Variants in TBC1D5 observed in about 807,000 individuals in gnomAD.
The protein encoded by TBC1D5 is TBC1 domain family member 5.
Under a neutral mutation model 100.3 loss-of-function variants are expected in TBC1D5, and 75 were observed. The observed-to-expected ratio is 0.75, with a 90% CI of 0.62 to 0.91. The LOEUF (loss-of-function observed/expected upper bound fraction) is 0.91. Among genes scored for constraint, TBC1D5 ranks in the 40% least tolerant of loss-of-function variants. The pLI is 0.00. For synonymous variants in TBC1D5, 323 were observed against 325.6 expected, an observed-to-expected ratio of 0.99 and a Z score of 0.09; for missense variants, 910 against 942.4, an observed-to-expected ratio of 0.97 and a Z score of 0.45.
At position 17,679,858 on chromosome 3, in the gene TBC1D5, T is replaced by C. The variant is rs142544722; in HGVS notation, c.-100-55945A>G. ...GTTTTGTGGTACTTGGGACAATCTG[T>C]AGTCTGAGACTAGCTGACCCTTGCA... On this transcript the variant is annotated intron_variant, in intron 1 of 21. Transcript: ENST00000253692. Among the ~76,000 whole-genome samples the C allele has an allele frequency of 5.3e-5, 8 of 151,644 alleles. No homozygotes were observed. In the South Asian group the frequency reaches 1.5e-3, roughly 28 times the overall value.
intron 21 of TBC1D5, among the ~76,000 whole-genome samples, chr3:17,162,876 T>G (rs2066208767): frequency 6.6e-6 from 1 of 152,216 alleles, no homozygotes; most frequent in African/African-American, 2.4e-5. Context: ...GTAGACACTT[T>G]GTTCATAGGA....
intron 1 of TBC1D5, among the ~76,000 whole-genome samples, chr3:17,677,234 A>T (rs2068761303): frequency 6.6e-6 from 1 of 152,196 alleles, no homozygotes; most frequent in South Asian, 2.1e-4. Flanking sequence ...AATGGGAAAA[A>T]ATTTTTGCAA....
chr3:17,655,339 G>A (rs1472454514), intron 1 of TBC1D5, among the ~76,000 whole-genome samples: 1 of 151,116 alleles, frequency 6.6e-6, no homozygotes, highest in Non-Finnish European at 1.5e-5. Flanking sequence ...ATAGCTTTAG[G>A]AGATATACCT....
intron 4 of TBC1D5, among the ~76,000 whole-genome samples, chr3:17,421,333 T>C (rs1386302751): frequency 6.6e-6 from 1 of 152,198 alleles, no homozygotes; most frequent in Non-Finnish European, 1.5e-5. Flanking sequence ...GAAGTGATCA[T>C]TTAACTGTAA....
At chr3:17,433,142 T>G (rs1014382880) in intron 3 of TBC1D5, among the ~76,000 whole-genome samples, 1 of 152,154 alleles carries the variant, frequency 6.6e-6, no homozygotes, top group South Asian at 2.1e-4. Context: ...GTTAGCAAAT[T>G]GTTGTGCATA....
At chr3:17,425,784 G>A (rs2094321602) in intron 4 of TBC1D5, among the ~76,000 whole-genome samples, 1 of 152,074 alleles carries the variant, frequency 6.6e-6, no homozygotes, top group African/African-American at 2.4e-5. Flanking sequence ...GTTAGAGAAG[G>A]GTACATGTGT....
chr3:17,320,198 G>C (rs2085226608), intron 13 of TBC1D5, among the ~76,000 whole-genome samples: 1 of 152,172 alleles, frequency 6.6e-6, no homozygotes, highest in Non-Finnish European at 1.5e-5. Flanking sequence ...TGATTACAAA[G>C]AATGGCACTG....
chr3:17,408,067 G>A (rs975246829), intron 4 of TBC1D5, among the ~76,000 whole-genome samples: 4 of 152,024 alleles, frequency 2.6e-5, no homozygotes, highest in African/African-American at 9.7e-5. Context: ...AGAGGCACAT[G>A]CTTGGGATCA....
At chr3:17,599,299 A>T (rs886235039) in intron 2 of TBC1D5, among the ~76,000 whole-genome samples, 1 of 152,108 alleles carries the variant, frequency 6.6e-6, no homozygotes, top group Non-Finnish European at 1.5e-5. Context: ...TCATGTACCC[A>T]TAAAACCCCC....
At chr3:17,639,922 A>G (rs376517963) in intron 1 of TBC1D5, among the ~76,000 whole-genome samples, 2 of 152,224 alleles carry the variant, frequency 1.3e-5, no homozygotes, top group African/African-American at 4.8e-5. Context: ...GCAAGAAAGT[A>G]TGCCATGACC....
chr3:17,567,079 T>C (rs1467132098), intron 2 of TBC1D5, among the ~76,000 whole-genome samples: 1 of 151,812 alleles, frequency 6.6e-6, no homozygotes, highest in Non-Finnish European at 1.5e-5. Context: ...TTCCCTAACA[T>C]TGTCCTACCA....
rs927542025 is a variant in TBC1D5 at position 17,403,215 on chromosome 3, G to A, written c.475C>T (p.Leu159Phe). 4.4e-6 allele frequency: 7 copies of A among 1,591,736 alleles called. No individual in the cohort carries two copies. The highest frequency in any genetic ancestry group is 6.0e-6 in the Non-Finnish European group (7 of 1,166,220). Residue 159 changes from leucine to phenylalanine, a missense_variant, in exon 8 of 22, where the codon CTT (leucine) becomes TTT (phenylalanine). Coordinates refer to ENST00000253692, the Ensembl canonical transcript of TBC1D5. ...ACATCTTGTTCAATCATTGATCGAA[G>A]TTCTTTATCTTGGAAGAATTTGTTC...
At chr3:17,374,707 A>G in intron 10 of TBC1D5, 28 bp from the exon 11 acceptor site, 1 of 1,604,426 alleles carries the variant, frequency 6.2e-7, no homozygotes, top group Non-Finnish European at 8.5e-7. Flanking sequence ...AGCAATCAAA[A>G]TGTGTAATTT....
intron 15 of TBC1D5, among the ~76,000 whole-genome samples, chr3:17,278,981 C>T (rs959378330): frequency 2.0e-5 from 3 of 152,112 alleles, no homozygotes; most frequent in Admixed American, 2.0e-4. Flanking sequence ...AAGAACATCA[C>T]AAATAGATAA....
chr3:17,494,028 G>A (rs1293747442), intron 3 of TBC1D5, among the ~76,000 whole-genome samples: 1 of 152,156 alleles, frequency 6.6e-6, no homozygotes, highest in Non-Finnish European at 1.5e-5. Flanking sequence ...CAGCGTTTTT[G>A]CGCTTATTTT....
At chr3:17,727,104 C>T (rs1249698216) in intron 1 of TBC1D5, among the ~76,000 whole-genome samples, 3 of 152,116 alleles carry the variant, frequency 2.0e-5, no homozygotes, top group Admixed American at 6.6e-5. Flanking sequence ...AAAAATTGGC[C>T]GGACACAGTG....
rs191250000 is a variant in TBC1D5, at chr3:17,379,074, T to C, written c.613-2461A>G. ...AGATTCGACCTTTAAAATATTCTAATATTTCCTATTTTCTGCTCCTTTTTT... is the reference window on the plus strand; with the variant it reads ...AGATTCGACCTTTAAAATATTCTAACATTTCCTATTTTCTGCTCCTTTTTT... On this transcript the variant is annotated intron_variant, in intron 9 of 21. Coordinates refer to ENST00000253692, the Ensembl canonical transcript of TBC1D5. Among the ~76,000 whole-genome samples the C allele has an allele frequency of 7.9e-5, 12 of 151,942 alleles. 1 individual carries two copies. The highest frequency in any genetic ancestry group is 7.2e-4 in the Admixed American group (11 of 15,238).
rs546022429 is a variant in TBC1D5 at position 17,476,903 on chromosome 3, A to T, written c.97+31571T>A. ...GCTGGTATATTTGTAAGTGCGACTG[A>T]TTTTGCACACGTTATATAACAAGGA... On this transcript the variant is annotated intron_variant, in intron 3 of 21. Coordinates refer to ENST00000253692, the Ensembl canonical transcript of TBC1D5. Among the ~76,000 whole-genome samples the T allele has an allele frequency of 2.6e-4, 39 of 152,110 alleles. 1 individual carries two copies. The South Asian group carries it at 8.1e-3, about 32-fold the overall frequency.
In TBC1D5 at chr3:17,654,708, T is replaced by C. The variant is rs543204415; in HGVS notation, c.-100-30795A>G. On this transcript the variant is annotated intron_variant, in intron 1 of 21. Transcript: ENST00000253692. Reference sequence around the variant, plus strand: ...TTAGGGAGGATTCCCTCTTTTTCTATTGATTGGAATAGTTTCAGAAGGAAT... The same window carrying C: ...TTAGGGAGGATTCCCTCTTTTTCTACTGATTGGAATAGTTTCAGAAGGAAT... Among the ~76,000 whole-genome samples the C allele has an allele frequency of 2.0e-5, 3 of 152,274 alleles. 1 individual carries two copies. The South Asian group carries it at 6.2e-4, about 32-fold the overall frequency.
Sources: allele counts gnomAD v4.1 joint callset (sites outside exome capture counted in the v4.1 genomes callset), GRCh38; gene constraint gnomAD v4.1.1; transcripts MANE v1.5; gene names NCBI Gene and HGNC (gene_info 2026-07-23, HGNC 2026-07-21).